CMIP: variants seen among roughly 807,000 people sequenced by gnomAD.
The protein encoded by CMIP is C-Maf-inducing protein.
Under a neutral mutation model 97.3 loss-of-function variants are expected in CMIP, and 13 were observed. The observed-to-expected ratio is 0.13, with a 90% confidence interval of 0.09 to 0.21. The LOEUF (loss-of-function observed/expected upper bound fraction) is 0.21. CMIP is among the 10% of genes least tolerant of loss of function. The pLI is 1.00. For missense variants in CMIP, 847 were observed against 1,024.9 expected, an observed-to-expected ratio of 0.83 and a Z score of 2.37; for synonymous variants, 538 against 436.3, an observed-to-expected ratio of 1.23 and a Z score of -2.91.
intron 1 of CMIP, among the ~76,000 whole-genome samples, chr16:81,506,303 A>G (rs908609805): frequency 1.9e-4 from 29 of 152,240 alleles, no homozygotes; most frequent in African/African-American, 7.0e-4. Flanking sequence ...GGGGTCTGAG[A>G]AGACAGTAAT....
rs73598466 is a variant in CMIP at position 81,614,167 on chromosome 16, G to A, written c.426+6475G>A. On this transcript the variant is annotated intron_variant, in intron 2 of 20. Coordinates refer to ENST00000537098, the MANE Select transcript of CMIP (RefSeq NM_198390.3). The surrounding 1 kb of genome is among the most constrained non-coding windows in gnomAD (Gnocchi z 5.3). ...TGTAAGTAGGAGTCCAGCGGGCAGC[G>A]GAGAGAAGGGGGTGACAGCAGAATG... 0.041 allele frequency among the ~76,000 whole-genome samples: 6,308 copies of A among 152,212 alleles called. 287 individuals are homozygous for A. Among genetic ancestry groups the A allele is most frequent in the East Asian group, 0.21 (1,107 of 5,170 alleles).
intron 1 of CMIP, among the ~76,000 whole-genome samples, chr16:81,550,463 G>T (rs1430138967): frequency 6.6e-6 from 1 of 152,162 alleles, no homozygotes; most frequent in African/African-American, 2.4e-5. Context: ...GCTTCTTTCT[G>T]CTCATGCCCC....
chr16:81,524,364 A>G (rs2090087206), intron 1 of CMIP, among the ~76,000 whole-genome samples: 1 of 152,236 alleles, frequency 6.6e-6, no homozygotes, highest in African/African-American at 2.4e-5. Flanking sequence ...TGACAGAGAG[A>G]TACAGAGAGA....
rs2150951520 is a variant in CMIP at position 81,614,192 on chromosome 16, G to T, written c.426+6500G>T. Among the ~76,000 whole-genome samples, 1 of 152,330 alleles carries T rather than the reference G, an allele frequency of 6.6e-6. No individual in the cohort carries two copies. The highest frequency in any genetic ancestry group is 2.1e-4 in the South Asian group (1 of 4,826). The stretch of plus-strand genomic sequence containing the variant: ...GGAGAGAAGGGGGTGACAGCAGAAT[G>T]TTCCTGGTGGGGGAGTACACGCTGC... On this transcript the variant is annotated intron_variant, in intron 2 of 20. Coordinates refer to ENST00000537098, the MANE Select transcript of CMIP (RefSeq NM_198390.3). This position sits in a 1 kb window ranked among gnomAD's most constrained non-coding sequence, Gnocchi z 5.3.
rs141685816 is a variant in CMIP, at chr16:81,472,372, G to A, written c.300+26831G>A. Among the ~76,000 whole-genome samples the A allele has an allele frequency of 3.6e-3, 550 of 152,292 alleles. 14 individuals carry two copies. Among genetic ancestry groups the A allele is most frequent in the Admixed American group, 0.028 (433 of 15,300 alleles). On this transcript the variant is annotated intron_variant, in intron 1 of 20. Transcript: ENST00000537098. ...AGTGCTTCGTGAAGATGAGCTGTTC[G>A]TATTTCCAGTGTCCTTCATGGTGGC...
chr16:81,475,127 C>G (rs1907819028), intron 1 of CMIP, among the ~76,000 whole-genome samples: 1 of 152,008 alleles, frequency 6.6e-6, no homozygotes, highest in African/African-American at 2.4e-5. Context: ...TGTCTGGAGG[C>G]CTTAACCCTT....
chr16:81,607,643 C>G lies in CMIP; in HGVS notation c.377C>G (p.Pro126Arg). The change falls in exon 2 of 21, where the codon CCG (proline) becomes CGG (arginine). Residue 126 changes from proline to arginine, a missense_variant. Coordinates refer to ENST00000537098, the MANE Select transcript of CMIP (RefSeq NM_198390.3). ...CAGCTGCTGTCCTGGGAGAATGCCC[C>G]GAAGTACTGTTTACAGCTCACGATT... ...DVQLLSWENA[P>R]KYCLQLTIPG... is the part of the protein sequence containing the mutation. 2 of 1,614,024 alleles carry G rather than the reference C, an allele frequency of 1.2e-6. No individual in the cohort carries two copies. Among genetic ancestry groups the G allele is most frequent in the Non-Finnish European group, 1.7e-6 (2 of 1,179,892 alleles).
intron 20 of CMIP, 149 bp downstream of exon 20, chr16:81,707,233 G>A: frequency 1.4e-6 from 1 of 711,532 alleles, no homozygotes; most frequent in Non-Finnish European, 2.5e-6. Context: ...ATCAAAAAGA[G>A]TGACAAAGAG....
intron 2 of CMIP, among the ~76,000 whole-genome samples, chr16:81,608,610 AG>A (rs2091781901): frequency 1.3e-5 from 2 of 152,098 alleles, no homozygotes; most frequent in Non-Finnish European, 2.9e-5. Flanking sequence ...ACCTCAGGCA[AG>A]GCCCAGGTCT....
chr16:81,624,509 C>T (rs958375782), intron 3 of CMIP, among the ~76,000 whole-genome samples: 19 of 151,476 alleles, frequency 1.3e-4, no homozygotes, highest in African/African-American at 2.7e-4. Flanking sequence ...AAAAAAAATG[C>T]CACCTCCTAA....
At chr16:81,480,233 C>G (rs943053776) in intron 1 of CMIP, among the ~76,000 whole-genome samples, 3 of 152,212 alleles carry the variant, frequency 2.0e-5, no homozygotes, top group Admixed American at 1.3e-4. Flanking sequence ...TACCCAAGCT[C>G]TCTCAGCTTC....
At chr16:81,613,530 T>G (rs1483885505) in intron 2 of CMIP, among the ~76,000 whole-genome samples, 1 of 152,252 alleles carries the variant, frequency 6.6e-6, no homozygotes. Context: ...TCATTTAATT[T>G]ATCTGTGAAA....
intron 7 of CMIP, among the ~76,000 whole-genome samples, chr16:81,668,117 G>A (rs542950922): frequency 3.3e-5 from 5 of 152,256 alleles, no homozygotes; most frequent in African/African-American, 9.6e-5. Context: ...CTCTATTTCT[G>A]TTCTACAGCT....
At chr16:81,558,897 C>T (rs935006870) in intron 1 of CMIP, among the ~76,000 whole-genome samples, 4 of 152,214 alleles carry the variant, frequency 2.6e-5, no homozygotes, top group African/African-American at 7.2e-5. Context: ...TCCCCAACCC[C>T]GCCACCAGGT....
rs190343135 is a variant in CMIP, at chr16:81,616,084, C to T, written c.427-4792C>T. 3.3e-5 allele frequency among the ~76,000 whole-genome samples: 5 copies of T among 151,980 alleles called. No individual in the cohort carries two copies. Among genetic ancestry groups the T allele is most frequent in the Non-Finnish European group, 7.4e-5 (5 of 68,000 alleles). On this transcript the variant is annotated intron_variant, in intron 2 of 20. Coordinates refer to ENST00000537098, the MANE Select transcript of CMIP (RefSeq NM_198390.3). The surrounding 1 kb of genome is among the most constrained non-coding windows in gnomAD (Gnocchi z 4.7). ...CCTGGAAGGAGGCGCAGGAGAGTTC[C>T]GCATCGAGACTGTCCTCAGCCCGGC...
At chr16:81,588,026 C>T (rs972417624) in intron 1 of CMIP, among the ~76,000 whole-genome samples, 3 of 152,190 alleles carry the variant, frequency 2.0e-5, no homozygotes, top group African/African-American at 7.2e-5. Context: ...CCGGCTCTTG[C>T]TTCCCCAGGA....
At chr16:81,645,690 T>C (rs1391928050) in intron 3 of CMIP, 3 of 1,424,198 alleles carry the variant, frequency 2.1e-6, no homozygotes, top group Admixed American at 3.9e-5. Flanking sequence ...CTGCCTGCTG[T>C]CTCTGCTTGC....
At chr16:81,504,486 T>C (rs1232135299) in intron 1 of CMIP, among the ~76,000 whole-genome samples, 1 of 150,024 alleles carries the variant, frequency 6.7e-6, no homozygotes, top group Non-Finnish European at 1.5e-5. Context: ...CTACTAAAAA[T>C]ACAAAAATTA....
At chr16:81,552,104 C>CGA (rs2090670999) in intron 1 of CMIP, among the ~76,000 whole-genome samples, 1 of 152,208 alleles carries the variant, frequency 6.6e-6, no homozygotes, top group South Asian at 2.1e-4. Flanking sequence ...GTGACATCCT[C>CGA]TGACATCTGA....
Sources: allele counts gnomAD v4.1 joint callset (sites outside exome capture counted in the v4.1 genomes callset), GRCh38; gene constraint gnomAD v4.1.1; non-coding constraint Gnocchi (gnomAD v3.1); transcripts MANE v1.5; gene names NCBI Gene and HGNC (gene_info 2026-07-23, HGNC 2026-07-21).